Variants in CACNA1F observed in about 807,000 individuals in gnomAD.
CACNA1F encodes calcium voltage-gated channel subunit alpha1 F.
In CACNA1F, 59 loss-of-function variants were observed where a neutral mutation model predicts 143.8. The ratio of observed to expected loss-of-function variants is 0.41; its 90% CI spans 0.33 to 0.51. The LOEUF is 0.51. Among genes scored for constraint, CACNA1F ranks in the 20% least tolerant of loss-of-function variants. The pLI is 0.22. For missense variants in CACNA1F, 1,411 were observed against 1,647.5 expected (o/e 0.86, Z 2.48); for synonymous variants, 643 against 649.1 (o/e 0.99, Z 0.14).
At chrX:49,229,135 C>CT (rs1472265143) in intron 6 of CACNA1F, among the ~76,000 whole-genome samples, 2 of 111,167 alleles carry the variant, frequency 1.8e-5, no homozygotes, top group African/African-American at 6.6e-5. Context: ...GAGAATAAAG[C>CT]TTTTTTTTGG....
rs1557109555 is a variant in CACNA1F at position 49,224,988 on chromosome X, T to A, written c.1652-2A>T. 8.7e-7 allele frequency: 1 copy of A among 1,149,328 alleles called. No homozygotes were observed. The highest frequency in any genetic ancestry group is 1.8e-5 in the African/African-American group (1 of 55,552). The allele number at this position is 1,149,328 out of a possible 1,213,427, so 94.7% of individuals were successfully genotyped here. On this transcript the variant is annotated splice_acceptor_variant, in intron 13 of 47. Coordinates refer to ENST00000323022, the MANE Select transcript of CACNA1F (RefSeq NM_001256789.3). LOFTEE classifies it high-confidence loss of function. ...AGAGCAACACTTTGTTGGCATACTC[T>A]GTGGGGAGAGAGGCAGGGATGATCG...
At position 49,216,282 on chromosome X, in the gene CACNA1F, A is replaced by G. The variant is rs1416935905; in HGVS notation, c.3236+100T>C. The G allele has an allele frequency of 3.3e-6, 3 of 910,515 alleles. No individual in the cohort carries two copies. The African/African-American group carries it at 5.9e-5, about 18-fold the overall frequency. The allele number at this position is 910,515 out of a possible 1,213,427, so 75.0% of individuals were successfully genotyped here. A position where few individuals can be genotyped will look rare whatever the true frequency, so the allele number is the denominator to read the frequency against. On this transcript the variant is annotated intron_variant, in intron 27 of 47. Transcript: ENST00000323022. Reference sequence around the variant, plus strand: ...TCCAGTCTCGAGAGACCTTCGTCACATCCCCAAGGTACACTCCCACCCATT... The same window carrying G: ...TCCAGTCTCGAGAGACCTTCGTCACGTCCCCAAGGTACACTCCCACCCATT...
rs782133118 is a variant in CACNA1F at position 49,206,881 on chromosome X, G to A, written c.5232-26C>T. ...CTGTGTGGGTGGGAGGGCCAGGGGT[G>A]AACTTGGGTCTGGGCCTGGACCTGG... On this transcript the variant is annotated intron_variant, in intron 44 of 47. Transcript: ENST00000323022. 6 of 1,198,689 alleles carry A rather than the reference G, an allele frequency of 5.0e-6. No homozygotes were observed. In the South Asian group the frequency reaches 1.1e-4, roughly 21 times the overall value.
At chrX:49,228,731 A>AT (rs1170262287) in intron 6 of CACNA1F, among the ~76,000 whole-genome samples, 14 of 111,505 alleles carry the variant, frequency 1.3e-4, no homozygotes, top group African/African-American at 2.3e-4. Flanking sequence ...CGCCCGGCTA[A>AT]TTTTTTTTGT....
In CACNA1F at chrX:49,229,368, G is replaced by T. The variant is rs376925586; in HGVS notation, c.817+852C>A. On this transcript the variant is annotated intron_variant, in intron 6 of 47. Coordinates refer to ENST00000323022, the MANE Select transcript of CACNA1F (RefSeq NM_001256789.3). ...GATGGGGTTTCACTATGTTGGCCAG[G>T]CTGGTCTCGAACTCCTGACCTCAAG... Among the ~76,000 whole-genome samples the T allele has an allele frequency of 2.4e-4, 27 of 111,977 alleles. No homozygotes were observed. The East Asian group carries it at 7.7e-3, about 32-fold the overall frequency.
intron 9 of CACNA1F, 63 bp from the exon 10 acceptor site, chrX:49,226,765 G>C: frequency 1.9e-6 from 2 of 1,027,584 alleles, no homozygotes; most frequent in Non-Finnish European, 2.7e-6. Context: ...GCCATGTCTA[G>C]GGTAGGGGTG....
intron 15 of CACNA1F, 24 bp from the exon 16 acceptor site, chrX:49,222,862 A>G (rs1323312793): frequency 8.3e-7 from 1 of 1,208,759 alleles, no homozygotes; most frequent in Admixed American, 2.2e-5. Flanking sequence ...GTCACTGTGG[A>G]GCTCTTGGAC....
At chrX:49,221,987 A>T (rs1478754031) in intron 17 of CACNA1F, among the ~76,000 whole-genome samples, 1 of 102,860 alleles carries the variant, frequency 9.7e-6, no homozygotes, top group Admixed American at 1.0e-4. Flanking sequence ...CCATATCAGA[A>T]TAAAAAAAAA....
In CACNA1F at chrX:49,215,077, A is replaced by G. The variant is rs1557107060; in HGVS notation, c.3597+9T>C. Reference sequence around the variant, plus strand: ...GGAGTCTGGCGGGGGTCAGGCAGGGATCTCAGACCTGCATGGCTAGGGCAA... The same window carrying G: ...GGAGTCTGGCGGGGGTCAGGCAGGGGTCTCAGACCTGCATGGCTAGGGCAA... On this transcript the variant is annotated intron_variant, in intron 29 of 47. Transcript: ENST00000323022. 1 of 1,204,959 alleles carries G rather than the reference A, an allele frequency of 8.3e-7. No individual in the cohort carries two copies. The highest frequency in any genetic ancestry group is 1.8e-5 in the South Asian group (1 of 56,855).
At chrX:49,230,101 T>C (rs1228877896) in intron 6 of CACNA1F, 119 bp downstream of exon 6, 4 of 613,538 alleles carry the variant, frequency 6.5e-6, no homozygotes, top group Non-Finnish European at 1.0e-5. Context: ...TATCTGGGGA[T>C]GGAACCTGAG....
At chrX:49,213,715 G>T in intron 31 of CACNA1F, 104 bp downstream of exon 31, 1 of 578,946 alleles carries the variant, frequency 1.7e-6, no homozygotes, top group Non-Finnish European at 3.1e-6. Flanking sequence ...GGAGTAGGGA[G>T]GATGTGCGTG....
Position 49,219,461 on chromosome X carries a change from G to A in CACNA1F, c.2544-11C>T. The stretch of plus-strand genomic sequence containing the variant: ...CAGCCCTTCCTCAGCCTGTGGAGAG[G>A]GAGTGGGCCATGGTCAGAACTCAGG... On this transcript the variant is annotated splice_polypyrimidine_tract_variant and intron_variant, in intron 20 of 47. Coordinates refer to ENST00000323022, the MANE Select transcript of CACNA1F (RefSeq NM_001256789.3). The A allele has an allele frequency of 8.3e-7, 1 of 1,206,611 alleles. No individual in the cohort carries two copies. Among genetic ancestry groups the A allele is most frequent in the Non-Finnish European group, 1.1e-6 (1 of 892,990 alleles).
Position 49,215,262 on chromosome X carries a change from G to A in CACNA1F, c.3439-18C>T, listed in dbSNP as rs199764042. On this transcript the variant is annotated intron_variant, in intron 28 of 47. Transcript: ENST00000323022. ...CATTGACGCTGCATACCAGGGCAGGGCATGAGTGAGCAGTGGGGTCCTGAG... is the reference window on the plus strand; with the variant it reads ...CATTGACGCTGCATACCAGGGCAGGACATGAGTGAGCAGTGGGGTCCTGAG... 2.6e-3 allele frequency: 3,146 copies of A among 1,207,806 alleles called. 5 individuals carry two copies. Among genetic ancestry groups the A allele is most frequent in the Middle Eastern group, 0.01 (45 of 4,348 alleles).
At chrX:49,223,717 GT>G (rs1174664897) in intron 14 of CACNA1F, among the ~76,000 whole-genome samples, 16 of 88,954 alleles carry the variant, frequency 1.8e-4, no homozygotes, top group African/African-American at 1.6e-4. Context: ...TTAGGATGGA[GT>G]TTTTTTTTTT....
rs963125770 is a variant in CACNA1F, at chrX:49,205,191, G to A, written c.5847C>T (p.Ser1949=). Residue 1949 remains serine, a synonymous_variant, in exon 48 of 48, where the codon TCC becomes TCT. Coordinates refer to ENST00000323022, the MANE Select transcript of CACNA1F (RefSeq NM_001256789.3). The part of the protein sequence containing the change: ...SLYSDEESIL[S]RFDEEDLGDE... ...CTCCCAAGTCCTCCTCATCGAAGCG[G>A]GAGAGGATGGACTCCTCGTCGCTAT... The A allele has an allele frequency of 5.5e-5, 67 of 1,209,431 alleles. No homozygotes were observed. Among genetic ancestry groups the A allele is most frequent in the Non-Finnish European group, 7.0e-5 (63 of 894,674 alleles).
intron 46 of CACNA1F, among the ~76,000 whole-genome samples, chrX:49,206,168 G>A (rs1303746414): frequency 1.8e-5 from 2 of 109,989 alleles, no homozygotes; most frequent in Admixed American, 1.9e-4. Context: ...TGAGACAGGC[G>A]GATCACCTGA....
At chrX:49,220,009 T>C (rs1279627624) in intron 19 of CACNA1F, among the ~76,000 whole-genome samples, 1 of 111,979 alleles carries the variant, frequency 8.9e-6, no homozygotes, top group African/African-American at 3.2e-5. Context: ...TGAAAGAATG[T>C]TGTATATACA....
intron 14 of CACNA1F, among the ~76,000 whole-genome samples, chrX:49,224,149 A>G (rs1489355782): frequency 5.4e-5 from 6 of 110,162 alleles, no homozygotes; most frequent in African/African-American, 2.0e-4. Flanking sequence ...GTTAAGGGTA[A>G]GTTGTGGTTG....
intron 26 of CACNA1F, 113 bp from the exon 27 acceptor site, chrX:49,216,641 G>A: frequency 1.4e-6 from 1 of 695,049 alleles, no homozygotes; most frequent in Non-Finnish European, 2.2e-6. Context: ...ATATGTTCTA[G>A]GTTCAAATCC....
Sources: gnomAD v4.1 joint callset for allele counts (sites outside exome capture counted in the v4.1 genomes callset) on GRCh38, gnomAD v4.1.1 for gene constraint, MANE v1.5 for transcripts, NCBI Gene and HGNC (gene_info 2026-07-23, HGNC 2026-07-21) for gene names.